The following CNTNAP5 variants were observed in gnomAD, a reference collection of about 807,000 sequenced individuals.
The protein encoded by CNTNAP5 is contactin associated protein family member 5.
CNTNAP5 carries 72 observed loss-of-function variants against 150.2 expected under a neutral mutation model. The observed-to-expected ratio is 0.48, with a 90% CI of 0.40 to 0.58. The LOEUF is 0.58. CNTNAP5 is among the 20% of genes least tolerant of loss of function. The probability of loss-of-function intolerance (pLI) is 0.00; values close to 1 mark genes in which losing one functional copy is unlikely to be tolerated. For missense variants in CNTNAP5, 1,636 were observed against 1,626.2 expected (o/e 1.01, Z -0.10); for synonymous variants, 672 against 619.8 (o/e 1.08, Z -1.25).
chr2:124,369,285 G>A (rs1430307746), intron 3 of CNTNAP5, among the ~76,000 whole-genome samples: 1 of 152,142 alleles, frequency 6.6e-6, no homozygotes, highest in Non-Finnish European at 1.5e-5. Context: ...TGAGCCTAAT[G>A]GAAAGAGAAC....
Position 124,644,027 on chromosome 2 carries a change from T to C in CNTNAP5, c.1877-3731T>C, listed in dbSNP as rs553814535. Among the ~76,000 whole-genome samples, 6 of 152,364 alleles carry C rather than the reference T, an allele frequency of 3.9e-5. No homozygotes were observed. In the South Asian group the frequency reaches 1.2e-3, roughly 32 times the overall value. ...TGCTGACTCCAGAGCCCATACTTTG[T>C]TCACTAACCTCCACTGTCCAACTAA... On this transcript the variant is annotated intron_variant, in intron 12 of 23. Coordinates refer to ENST00000682447, the MANE Select transcript of CNTNAP5 (RefSeq NM_001367498.1).
intron 1 of CNTNAP5, among the ~76,000 whole-genome samples, chr2:124,132,428 A>G (rs1056142224): frequency 3.3e-5 from 5 of 152,178 alleles, no homozygotes; most frequent in Non-Finnish European, 5.9e-5. Context: ...CCTATAAAAT[A>G]TGGTATTATG....
intron 1 of CNTNAP5, among the ~76,000 whole-genome samples, chr2:124,043,219 A>T (rs1681431515): frequency 6.6e-6 from 1 of 152,196 alleles, no homozygotes; most frequent in South Asian, 2.1e-4. Context: ...TAATGTATAT[A>T]GATCACCACA....
At chr2:124,243,644 C>A (rs1686942845) in intron 3 of CNTNAP5, among the ~76,000 whole-genome samples, 1 of 152,034 alleles carries the variant, frequency 6.6e-6, no homozygotes, top group Non-Finnish European at 1.5e-5. Flanking sequence ...AAAATAGACA[C>A]CACAGCCTAC....
intron 1 of CNTNAP5, among the ~76,000 whole-genome samples, chr2:124,168,937 T>A (rs1218220869): frequency 6.6e-6 from 1 of 152,164 alleles, no homozygotes. Flanking sequence ...CATCCCTACC[T>A]CTGACATAGC....
At chr2:124,801,868 G>T (rs548264932) in intron 19 of CNTNAP5, among the ~76,000 whole-genome samples, 29 of 152,212 alleles carry the variant, frequency 1.9e-4, no homozygotes, top group African/African-American at 6.7e-4. Flanking sequence ...TGGGAGTTAA[G>T]GTTTATTAGA....
chr2:124,027,074 G>C (rs750867002), intron 1 of CNTNAP5, among the ~76,000 whole-genome samples: 17 of 152,208 alleles, frequency 1.1e-4, no homozygotes, highest in Non-Finnish European at 2.2e-4. Flanking sequence ...GAAGGCTAAA[G>C]GGATCATCCT....
chr2:124,154,571 T>TG (rs1302480459), intron 1 of CNTNAP5, among the ~76,000 whole-genome samples: 1 of 152,112 alleles, frequency 6.6e-6, no homozygotes, highest in African/African-American at 2.4e-5. Context: ...TGCCACATGA[T>TG]GGACAAAGAG....
chr2:124,676,384 C>G (rs1678940425), intron 13 of CNTNAP5, among the ~76,000 whole-genome samples: 1 of 152,208 alleles, frequency 6.6e-6, no homozygotes, highest in South Asian at 2.1e-4. Flanking sequence ...TGAAGCTTAT[C>G]AAAACCCTTA....
At chr2:124,255,734 G>A (rs978034228) in intron 3 of CNTNAP5, among the ~76,000 whole-genome samples, 1 of 151,978 alleles carries the variant, frequency 6.6e-6, no homozygotes, top group African/African-American at 2.4e-5. Flanking sequence ...AATTATCACA[G>A]GATTTGAAGT....
chr2:124,047,873 G>T (rs1023512853), intron 1 of CNTNAP5, among the ~76,000 whole-genome samples: 5 of 152,122 alleles, frequency 3.3e-5, no homozygotes, highest in African/African-American at 1.2e-4. Context: ...TTAGACCCAG[G>T]ATCAGGGAAG....
chr2:124,912,747 A>C (rs1326933758), intron 23 of CNTNAP5, among the ~76,000 whole-genome samples: 1 of 151,546 alleles, frequency 6.6e-6, no homozygotes, highest in African/African-American at 2.4e-5. Flanking sequence ...TACGTGCTCT[A>C]TGAGTCTCTT....
At chr2:124,713,296 TCTTTCTTCTTTCTCTTTCTTTC>T (rs1558746803) in intron 13 of CNTNAP5, among the ~76,000 whole-genome samples, 21 of 128,678 alleles carry the variant, frequency 1.6e-4, no homozygotes, top group South Asian at 2.9e-4. Flanking sequence ...TTTCTTTCTT[TCTTTCTTCTTTCTCTTTCTTTC>T]CTTTCTTTCT....
intron 3 of CNTNAP5, among the ~76,000 whole-genome samples, chr2:124,399,837 A>G (rs1217569469): frequency 6.6e-6 from 1 of 152,142 alleles, no homozygotes; most frequent in East Asian, 1.9e-4. Flanking sequence ...TGAACCTTGA[A>G]CACTGACACT....
intron 12 of CNTNAP5, among the ~76,000 whole-genome samples, chr2:124,622,071 T>G (rs1452015666): frequency 6.6e-6 from 1 of 152,134 alleles, no homozygotes; most frequent in Non-Finnish European, 1.5e-5. Context: ...CACCTAGATA[T>G]TAAGCCCAGC....
intron 1 of CNTNAP5, among the ~76,000 whole-genome samples, chr2:124,078,132 A>G (rs1277666618): frequency 6.6e-6 from 1 of 152,236 alleles, no homozygotes; most frequent in Non-Finnish European, 1.5e-5. Flanking sequence ...AAGGACAACA[A>G]TTCTACAAAT....
intron 3 of CNTNAP5, among the ~76,000 whole-genome samples, chr2:124,269,586 T>C (rs1687691107): frequency 6.6e-6 from 1 of 152,038 alleles, no homozygotes; most frequent in Admixed American, 6.6e-5. Flanking sequence ...TTTTCGCCTG[T>C]AGTCTGAACA....
At chr2:124,577,468 C>T (rs1339898343) in intron 11 of CNTNAP5, among the ~76,000 whole-genome samples, 3 of 152,142 alleles carry the variant, frequency 2.0e-5, no homozygotes, top group Admixed American at 6.5e-5. Context: ...TTTGGGGTCA[C>T]CCATTCATGC....
intron 13 of CNTNAP5, among the ~76,000 whole-genome samples, chr2:124,716,374 T>C (rs1231030852): frequency 1.3e-5 from 2 of 152,112 alleles, no homozygotes; most frequent in East Asian, 3.9e-4. Context: ...AAATGCATGA[T>C]GAAAAATCCA....
Sources: allele counts gnomAD v4.1 joint callset (sites outside exome capture counted in the v4.1 genomes callset), GRCh38; gene constraint gnomAD v4.1.1; transcripts MANE v1.5; gene names NCBI Gene and HGNC (gene_info 2026-07-23, HGNC 2026-07-21).